LARP4B: variants seen among roughly 807,000 people sequenced by gnomAD.
The protein encoded by LARP4B is la-related protein 4B.
A neutral mutation model predicts 89.8 loss-of-function variants in LARP4B; 12 were observed. The observed-to-expected ratio is 0.13, with a 90% CI of 0.09 to 0.22. The LOEUF (loss-of-function observed/expected upper bound fraction) is 0.22, where lower values mean the gene tolerates loss of function less well. Among genes scored for constraint, LARP4B ranks in the 10% least tolerant of loss-of-function variants. The probability of loss-of-function intolerance (pLI) is 1.00; values close to 1 mark genes in which losing one functional copy is unlikely to be tolerated. For missense variants in LARP4B, 757 were observed against 947.7 expected (o/e 0.80, Z 2.64); for synonymous variants, 367 against 363.3 (o/e 1.01, Z -0.12).
At chr10:952,065 G>A in the LARP4B span, among the ~76,000 whole-genome samples, 15 of 151,880 alleles carry the variant, frequency 9.9e-5, 1 homozygote, top group Admixed American at 3.3e-4. Flanking sequence ...TCGGCCTGGT[G>A]CAGTGGCTCA....
the LARP4B span, among the ~76,000 whole-genome samples, chr10:955,884 C>T: frequency 6.6e-6 from 1 of 152,120 alleles, no homozygotes; most frequent in Non-Finnish European, 1.5e-5. This position sits in a 1 kb window ranked among gnomAD's most constrained non-coding sequence, Gnocchi z 5.2. Flanking sequence ...TGAGTTCCTC[C>T]TCTCACTCCC....
intron 1 of LARP4B, among the ~76,000 whole-genome samples, chr10:923,409 C>T (rs1837042487): frequency 6.6e-6 from 1 of 151,972 alleles, no homozygotes; most frequent in African/African-American, 2.4e-5. Context: ...TTACTGACCC[C>T]TCCTCCAGAT....
rs1423637748 is a variant in LARP4B at position 814,713 on chromosome 10, G to A, written c.1929+29C>T. 6.4e-6 allele frequency: 10 copies of A among 1,568,952 alleles called. No homozygotes were observed. Among genetic ancestry groups the A allele is most frequent in the Admixed American group, 1.9e-5 (1 of 53,582 alleles). ...TTCACACCAGAGCCTCGCGGCTGTC[G>A]TGCAGGAAGGCAGGCACGAGGTACG... On this transcript the variant is annotated intron_variant, in intron 17 of 17. Coordinates refer to ENST00000316157, the MANE Select transcript of LARP4B (RefSeq NM_015155.3). The surrounding 1 kb of genome is among the most constrained non-coding windows in gnomAD (Gnocchi z 4.4).
Position 835,949 on chromosome 10 carries a change from T to A in LARP4B, c.750+454A>T, listed in dbSNP as rs866490933. Among the ~76,000 whole-genome samples, 796 of 151,204 alleles carry A rather than the reference T, an allele frequency of 5.3e-3. 5 individuals carry two copies. Among genetic ancestry groups the A allele is most frequent in the African/African-American group, 0.018 (748 of 41,144 alleles). ...CTCCATCTCAAAAAAAAAAAAAAAA[T>A]TACTCCCCAAGTTACCAGTTCTCTA... On this transcript the variant is annotated intron_variant, in intron 8 of 17. Coordinates refer to ENST00000316157, the MANE Select transcript of LARP4B (RefSeq NM_015155.3).
At chr10:934,346 A>C (rs1250865470), upstream of LARP4B, among the ~76,000 whole-genome samples, 1 of 151,944 alleles carries the variant, frequency 6.6e-6, no homozygotes, top group Non-Finnish European at 1.5e-5. Flanking sequence ...AAAATTATAC[A>C]AAAGTAGCCG....
the LARP4B span, among the ~76,000 whole-genome samples, chr10:948,121 C>T: frequency 6.6e-6 from 1 of 152,088 alleles, no homozygotes; most frequent in Non-Finnish European, 1.5e-5. Flanking sequence ...GCGCTGCTCC[C>T]TGCTGATGGG....
At chr10:983,756 G>C in the LARP4B span, among the ~76,000 whole-genome samples, 1 of 152,146 alleles carries the variant, frequency 6.6e-6, no homozygotes, top group Non-Finnish European at 1.5e-5. Flanking sequence ...AATTTGGGGA[G>C]ACTTAATTTG....
chr10:945,138 C>T, the LARP4B span, among the ~76,000 whole-genome samples: 2 of 152,012 alleles, frequency 1.3e-5, no homozygotes, highest in East Asian at 1.9e-4. Context: ...AATCTCAGCA[C>T]TTTGGGAGGT....
chr10:916,517 G>A (rs909185943), intron 1 of LARP4B, among the ~76,000 whole-genome samples: 1 of 152,074 alleles, frequency 6.6e-6, no homozygotes, highest in African/African-American at 2.4e-5. Flanking sequence ...CCAACACGGA[G>A]AAACCCCATC....
rs1831744431 is a variant in LARP4B, at chr10:811,559, C to T, written c.*1367G>A. On this transcript the variant is annotated 3_prime_UTR_variant, in exon 18 of 18. Transcript: ENST00000316157. ...AGTAACTCTGACCCACTCACGCCAA[C>T]CCAGGGCCGGGCTCCATGGACTCTA... 1.3e-5 allele frequency: 2 copies of T among 152,622 alleles called. No individual in the cohort carries two copies. The highest frequency in any genetic ancestry group is 4.8e-5 in the African/African-American group (2 of 41,428). 9.5% of individuals were successfully genotyped at this position (152,622 alleles called of 1,614,324 possible).
intron 1 of LARP4B, among the ~76,000 whole-genome samples, chr10:899,840 G>A (rs1163744593): frequency 6.6e-6 from 1 of 151,878 alleles, no homozygotes; most frequent in Non-Finnish European, 1.5e-5. Context: ...ACCTAAATAA[G>A]GAAAAAGGGC....
At position 847,524 on chromosome 10, in the gene LARP4B, CT is replaced by C. The variant is rs201495770; in HGVS notation, c.431-2470del. Among the ~76,000 whole-genome samples the C allele has an allele frequency of 6.5e-3, 948 of 145,806 alleles. 6 individuals carry two copies. The highest frequency in any genetic ancestry group is 0.02 in the African/African-American group (779 of 39,928). On this transcript the variant is annotated intron_variant, in intron 5 of 17. Transcript: ENST00000316157. ...TTCCTATGTGACATGAAACTTTTTT[CT>C]TTTTTTTTTTTGAGACGGAGCCTTG...
chr10:969,135 T>C, the LARP4B span, among the ~76,000 whole-genome samples: 1 of 152,186 alleles, frequency 6.6e-6, no homozygotes, highest in Non-Finnish European at 1.5e-5. Context: ...GAATAATTTC[T>C]GGATTGGATA....
At chr10:843,507 TG>T (rs1293583635) in intron 6 of LARP4B, among the ~76,000 whole-genome samples, 1 of 152,174 alleles carries the variant, frequency 6.6e-6, no homozygotes, top group Non-Finnish European at 1.5e-5. Flanking sequence ...AAGACCAGCC[TG>T]ACCAACATGG....
At chr10:915,111 T>G (rs1179647319) in intron 1 of LARP4B, among the ~76,000 whole-genome samples, 3 of 152,124 alleles carry the variant, frequency 2.0e-5, no homozygotes, top group Non-Finnish European at 4.4e-5. Flanking sequence ...TTTATGGAAA[T>G]TTTATCTTGC....
rs965215350 is a variant in LARP4B at position 822,490 on chromosome 10, G to A, written c.1485-1645C>T. Among the ~76,000 whole-genome samples, 2 of 152,150 alleles carry A rather than the reference G, an allele frequency of 1.3e-5. No homozygotes were observed. The highest frequency in any genetic ancestry group is 4.8e-5 in the African/African-American group (2 of 41,410). Reference sequence around the variant, plus strand: ...GGGTCCTATCCCAGTCACCATCAGTGGGCCCAGCCAACACTCCCCCACACC... The same window carrying A: ...GGGTCCTATCCCAGTCACCATCAGTAGGCCCAGCCAACACTCCCCCACACC... On this transcript the variant is annotated intron_variant, in intron 13 of 17. Coordinates refer to ENST00000316157, the MANE Select transcript of LARP4B (RefSeq NM_015155.3). This position sits in a 1 kb window ranked among gnomAD's most constrained non-coding sequence, Gnocchi z 4.6.
chr10:830,564 C>T (rs547461969), intron 9 of LARP4B, among the ~76,000 whole-genome samples: 2 of 152,264 alleles, frequency 1.3e-5, no homozygotes, highest in South Asian at 2.1e-4. Flanking sequence ...GTTCAAATTT[C>T]CCCCCAAACA....
chr10:927,598 G>C (rs1188679600), intron 1 of LARP4B, among the ~76,000 whole-genome samples: 1 of 152,184 alleles, frequency 6.6e-6, no homozygotes, highest in Non-Finnish European at 1.5e-5. Context: ...TTAACTCTCT[G>C]AGTGCCTCAT....
intron 5 of LARP4B, among the ~76,000 whole-genome samples, chr10:848,769 G>T (rs1748117983): frequency 6.6e-6 from 1 of 152,106 alleles, no homozygotes; most frequent in East Asian, 1.9e-4. Flanking sequence ...ACATCGAGCA[G>T]CTGAGCTCAA....
Sources: allele counts gnomAD v4.1 joint callset (sites outside exome capture counted in the v4.1 genomes callset), GRCh38; gene constraint gnomAD v4.1.1; non-coding constraint Gnocchi (gnomAD v3.1); transcripts MANE v1.5; gene names NCBI Gene and HGNC (gene_info 2026-07-23, HGNC 2026-07-21).